Variants in CTIF observed in about 807,000 individuals in gnomAD.
CTIF encodes cap binding complex dependent translation initiation factor, also known as CBP80/20-dependent translation initiation factor.
In CTIF, 21 loss-of-function variants were observed where a neutral mutation model predicts 66.0. That is an observed-to-expected ratio of 0.32 (90% CI 0.23 to 0.46). The LOEUF is 0.46. CTIF is among the 20% of genes least tolerant of loss of function. The pLI is 1.00. For missense variants in CTIF, 739 were observed against 812.7 expected (o/e 0.91, Z 1.10); for synonymous variants, 345 against 326.4 (o/e 1.06, Z -0.62).
chr18:48,652,909 C>A (rs1002230793), intron 3 of CTIF, among the ~76,000 whole-genome samples: 4 of 152,144 alleles, frequency 2.6e-5, no homozygotes, highest in Non-Finnish European at 5.9e-5. Flanking sequence ...GCAGAAAAGG[C>A]CTTTGACAAA....
chr18:48,742,203 C>T (rs532658855), intron 7 of CTIF, among the ~76,000 whole-genome samples: 1 of 152,200 alleles, frequency 6.6e-6, no homozygotes, highest in Admixed American at 6.5e-5. Flanking sequence ...GGAGACAACA[C>T]ACGAGCTCCT....
At chr18:48,556,127 G>A (rs759602287) in intron 1 of CTIF, among the ~76,000 whole-genome samples, 2 of 152,178 alleles carry the variant, frequency 1.3e-5, no homozygotes, top group Non-Finnish European at 2.9e-5. Flanking sequence ...GTCCTGAGCT[G>A]CCTGCACATC....
intron 9 of CTIF, among the ~76,000 whole-genome samples, chr18:48,774,237 G>A (rs1395252123): frequency 6.6e-6 from 1 of 151,990 alleles, no homozygotes; most frequent in Non-Finnish European, 1.5e-5. Flanking sequence ...TCCCTCTCTG[G>A]GCCCCTCTGT....
At chr18:48,593,630 C>A (rs1411780206) in intron 1 of CTIF, among the ~76,000 whole-genome samples, 1 of 152,068 alleles carries the variant, frequency 6.6e-6, no homozygotes, top group Non-Finnish European at 1.5e-5. Flanking sequence ...GATCCGCCCG[C>A]CTCAGCCTCC....
At chr18:48,563,174 C>G (rs531167410) in intron 1 of CTIF, among the ~76,000 whole-genome samples, 12 of 152,234 alleles carry the variant, frequency 7.9e-5, no homozygotes, top group Admixed American at 7.8e-4. Context: ...CTCCTCCACC[C>G]CCACCATTCC....
chr18:48,664,097 C>T (rs890152158), intron 4 of CTIF, among the ~76,000 whole-genome samples: 10 of 152,118 alleles, frequency 6.6e-5, no homozygotes, highest in Non-Finnish European at 1.3e-4. Context: ...TCAGGGTGGC[C>T]GGGTCGTCAC....
chr18:48,576,022 C>T (rs542861974), intron 1 of CTIF, among the ~76,000 whole-genome samples: 6 of 152,260 alleles, frequency 3.9e-5, no homozygotes, highest in Non-Finnish European at 7.3e-5. Flanking sequence ...GTGGAACAAT[C>T]GGCCTCAGAG....
chr18:48,608,487 G>C (rs2090246560), intron 1 of CTIF, among the ~76,000 whole-genome samples: 2 of 152,144 alleles, frequency 1.3e-5, no homozygotes, highest in South Asian at 4.1e-4. Flanking sequence ...AAGTGGTGGG[G>C]GGGTGGGGGC....
intron 7 of CTIF, among the ~76,000 whole-genome samples, chr18:48,739,751 T>C (rs971604004): frequency 3.3e-5 from 5 of 152,142 alleles, no homozygotes; most frequent in African/African-American, 1.2e-4. Flanking sequence ...CTGTCATACG[T>C]TGTGGTTTCA....
At chr18:48,845,384 G>A (rs1049518213) in intron 10 of CTIF, among the ~76,000 whole-genome samples, 11 of 152,142 alleles carry the variant, frequency 7.2e-5, no homozygotes, top group African/African-American at 1.9e-4. Context: ...GTCATTGTTC[G>A]TTTTACTTGA....
intron 2 of CTIF, 107 bp from the exon 3 acceptor site, chr18:48,636,507 C>T (rs2090823726): frequency 2.7e-6 from 2 of 745,784 alleles, no homozygotes; most frequent in African/African-American, 1.8e-5. Context: ...AATAGGATTC[C>T]ACAGTCATGC....
intron 2 of CTIF, among the ~76,000 whole-genome samples, chr18:48,624,355 T>C (rs35794593): frequency 0.15 from 22,728 of 152,068 alleles, 1,804 homozygotes; most frequent in South Asian, 0.26. Context: ...TGAGCTGGGC[T>C]CTGGAGCCCC....
chr18:48,766,744 G>A (rs1047266712), intron 9 of CTIF, among the ~76,000 whole-genome samples: 8 of 152,188 alleles, frequency 5.3e-5, no homozygotes, highest in Admixed American at 2.0e-4. Context: ...GGAAAACTCC[G>A]AGTCTGAGCT....
chr18:48,819,990 C>T (rs1055482228), intron 10 of CTIF, among the ~76,000 whole-genome samples: 5 of 152,134 alleles, frequency 3.3e-5, no homozygotes, highest in East Asian at 1.9e-4. Flanking sequence ...AGGAAGTGCC[C>T]GGGGCACGGC....
rs189330713 is a variant in CTIF at position 48,571,871 on chromosome 18, G to C, written c.-29+32559G>C. Among the ~76,000 whole-genome samples the C allele has an allele frequency of 2.0e-4, 30 of 152,242 alleles. No homozygotes were observed. The East Asian group carries it at 4.8e-3, about 25-fold the overall frequency. On this transcript the variant is annotated intron_variant, in intron 1 of 11. Coordinates refer to ENST00000256413, the MANE Select transcript of CTIF (RefSeq NM_014772.3). ...GAGAGAAAGAGATTTGGAGAAATTG[G>C]CTCATGTGATTGTGAGAGCTGGCAA...
intron 1 of CTIF, among the ~76,000 whole-genome samples, chr18:48,604,948 A>C (rs1297999117): frequency 6.6e-6 from 1 of 152,172 alleles, no homozygotes; most frequent in Non-Finnish European, 1.5e-5. Context: ...GGTAGCGTGG[A>C]TCAGTACTTT....
intron 1 of CTIF, among the ~76,000 whole-genome samples, chr18:48,596,130 A>G (rs2089983463): frequency 1.3e-5 from 2 of 152,234 alleles, no homozygotes; most frequent in Non-Finnish European, 2.9e-5. Flanking sequence ...GGAGGCAAGG[A>G]TTATTCAACA....
chr18:48,740,390 T>G (rs569498786), intron 7 of CTIF, among the ~76,000 whole-genome samples: 1 of 152,248 alleles, frequency 6.6e-6, no homozygotes, highest in East Asian at 1.9e-4. Flanking sequence ...TTCCAGAACC[T>G]CTTCCTGCAA....
chr18:48,785,858 G>A (rs72913725), intron 9 of CTIF, among the ~76,000 whole-genome samples: 38 of 152,244 alleles, frequency 2.5e-4, no homozygotes, highest in Non-Finnish European at 4.1e-4. Context: ...TAGGACCCCC[G>A]CATCAACATT....
Sources: allele counts gnomAD v4.1 joint callset (sites outside exome capture counted in the v4.1 genomes callset), GRCh38; gene constraint gnomAD v4.1.1; transcripts MANE v1.5; gene names NCBI Gene and HGNC (gene_info 2026-07-23, HGNC 2026-07-21).